Variants in ATP6V1E1 observed in about 807,000 individuals in gnomAD.
ATP6V1E1 encodes V-type proton ATPase subunit E 1.
Under a neutral mutation model 35.2 loss-of-function variants are expected in ATP6V1E1, and 21 were observed. That is an observed-to-expected ratio of 0.60 (90% CI 0.42 to 0.86). ATP6V1E1 has a LOEUF of 0.86. Ranked by LOEUF, ATP6V1E1 falls within the 40% of genes least tolerant of loss-of-function variation. The probability of loss-of-function intolerance (pLI) is 0.00; values close to 1 mark genes in which losing one functional copy is unlikely to be tolerated. For synonymous variants in ATP6V1E1, 83 were observed against 87.8 expected (o/e 0.95, Z 0.30); for missense variants, 183 against 272.6 (o/e 0.67, Z 2.32).
rs564006042 is a variant in ATP6V1E1 at position 17,598,021 on chromosome 22, C to T, written c.530+173G>A. 2.8e-4 allele frequency: 166 copies of T among 599,284 alleles called. 2 individuals carry two copies. The Middle Eastern group carries it at 3.3e-3, about 12-fold the overall frequency. 37.1% of individuals were successfully genotyped at this position (599,284 alleles called of 1,614,324 possible). A position where few individuals can be genotyped will look rare whatever the true frequency, so the allele number is the denominator to read the frequency against. ...TATTTAGCCAGCCAACAAGGGAGAG[C>T]AAGAGAGCACTGCGAGAACAACAGG... On this transcript the variant is annotated intron_variant, in intron 7 of 8. Coordinates refer to ENST00000253413, the MANE Select transcript of ATP6V1E1 (RefSeq NM_001696.4).
At position 17,628,675 on chromosome 22, in the gene ATP6V1E1, T is replaced by C. The variant is rs199973791; in HGVS notation, c.-40A>G. 1.1e-5 allele frequency: 18 copies of C among 1,613,460 alleles called. No individual in the cohort carries two copies. In the East Asian group the frequency reaches 4.0e-4, roughly 36 times the overall value. ...TAGGCCGGTGAACAGTAGGCTCGAG[T>C]TTAGGTTTGAAAGGTGAGGTGAGAG... On this transcript the variant is annotated 5_prime_UTR_variant, in exon 1 of 9. Transcript: ENST00000253413.
chr22:17,598,375 C>T, intron 6 of ATP6V1E1, 87 bp from the exon 7 acceptor site: 2 of 1,040,216 alleles, frequency 1.9e-6, no homozygotes, highest in East Asian at 2.4e-5. Flanking sequence ...AGCAAGGATA[C>T]CTCCATTTAT....
At chr22:17,599,850 G>A (rs192012790) in intron 6 of ATP6V1E1, among the ~76,000 whole-genome samples, 177 bp downstream of exon 6, 19 of 150,636 alleles carry the variant, frequency 1.3e-4, no homozygotes, top group Non-Finnish European at 2.5e-4. Flanking sequence ...GCTTGAACCC[G>A]GCAGGCAGAG....
intron 2 of ATP6V1E1, among the ~76,000 whole-genome samples, chr22:17,618,638 G>A (rs1225842019): frequency 6.7e-6 from 1 of 148,736 alleles, no homozygotes; most frequent in Non-Finnish European, 1.5e-5. Flanking sequence ...GCCAAGATCT[G>A]GCCACTGCAC....
intron 2 of ATP6V1E1, among the ~76,000 whole-genome samples, chr22:17,613,760 G>A (rs1346057153): frequency 6.6e-6 from 1 of 152,024 alleles, no homozygotes; most frequent in East Asian, 1.9e-4. Context: ...GAGGTCAGGA[G>A]ATCGAGATCA....
At chr22:17,628,757 G>A (rs1001121948), upstream of ATP6V1E1, 4 of 1,344,390 alleles carry the variant, frequency 3.0e-6, no homozygotes, top group Non-Finnish European at 4.2e-6. Context: ...TATAACCGCG[G>A]GTTCCGGTTC....
chr22:17,597,507 T>C (rs1205030168), intron 7 of ATP6V1E1, among the ~76,000 whole-genome samples: 1 of 151,584 alleles, frequency 6.6e-6, no homozygotes, highest in African/African-American at 2.4e-5. Context: ...TACACAATTC[T>C]TGTTTTGATA....
chr22:17,592,946 C>T (rs1227522236), intron 8 of ATP6V1E1, among the ~76,000 whole-genome samples: 1 of 152,110 alleles, frequency 6.6e-6, no homozygotes, highest in Non-Finnish European at 1.5e-5. Flanking sequence ...TGCCACCATG[C>T]CTGGCTAATT....
chr22:17,628,382 C>T (rs1017743480), intron 1 of ATP6V1E1, among the ~76,000 whole-genome samples: 1 of 152,242 alleles, frequency 6.6e-6, no homozygotes, highest in Admixed American at 6.5e-5. Context: ...AAGAAGGCAG[C>T]GCGCAGGCAA....
intron 6 of ATP6V1E1, 62 bp downstream of exon 6, chr22:17,599,965 G>T: frequency 8.7e-7 from 1 of 1,153,494 alleles, no homozygotes; most frequent in Non-Finnish European, 1.2e-6. Context: ...AAGAAAGAGA[G>T]AGGGGAAGGA....
At chr22:17,598,480 C>A (rs574492960) in intron 6 of ATP6V1E1, among the ~76,000 whole-genome samples, 192 bp from the exon 7 acceptor site, 1 of 152,122 alleles carries the variant, frequency 6.6e-6, no homozygotes, top group Admixed American at 6.5e-5. Flanking sequence ...GGAAGAGATG[C>A]GAATGGTTTC....
Position 17,601,146 on chromosome 22 carries a change from C to G in ATP6V1E1, c.312G>C (p.Lys104Asn). Reference sequence around the variant, plus strand: ...GGTACCTGGTTGTATCTTTTACCACCTTGCTGAGTCTCTGTTTTGCTTCAT... The same window carrying G: ...GGTACCTGGTTGTATCTTTTACCACGTTGCTGAGTCTCTGTTTTGCTTCAT... ...LLNEAKQRLS[K>N]VVKDTTRYQV... The change falls in exon 5 of 9, where the codon AAG (lysine) becomes AAC (asparagine). Residue 104 changes from lysine (K) to asparagine (N), a missense_variant. Transcript: ENST00000253413. The G allele has an allele frequency of 6.2e-7, 1 of 1,613,728 alleles. No individual in the cohort carries two copies. Among genetic ancestry groups the G allele is most frequent in the South Asian group, 1.1e-5 (1 of 91,054 alleles).
intron 7 of ATP6V1E1, chr22:17,594,891 A>G: frequency 4.4e-6 from 1 of 228,080 alleles, no homozygotes; most frequent in Non-Finnish European, 8.5e-6. Context: ...TCATGTCTAC[A>G]GCACTTAAAA....
In ATP6V1E1 at chr22:17,594,569, G is replaced by C. The variant is rs77950405; in HGVS notation, c.578C>G (p.Ser193Cys). The C allele has an allele frequency of 8.3e-5, 132 of 1,595,964 alleles. No individual in the cohort carries two copies. In the East Asian group the frequency reaches 2.9e-3, roughly 35 times the overall value. Residue 193 changes from serine to cysteine, a missense_variant, in exon 8 of 9, where the codon TCC becomes TGC. Transcript: ENST00000253413. ...ATCCAGCCGGCTTTCCAGGGTGTTG[G>C]AAACCTTTATTTTACGATCTCCATT... ...IYNGDRKIKVSNTLESRLDLI... is the reference protein window; with the variant it reads ...IYNGDRKIKVCNTLESRLDLI...
chr22:17,606,224 T>C (rs905792906), intron 4 of ATP6V1E1, among the ~76,000 whole-genome samples: 1 of 152,208 alleles, frequency 6.6e-6, no homozygotes, highest in African/African-American at 2.4e-5. Context: ...GTTCTGTATT[T>C]TTCCCCTTCC....
chr22:17,592,577 T>G lies in ATP6V1E1; in HGVS notation c.*97A>C. Reference sequence around the variant, plus strand: ...TAAATACAGAGCAATACTGGGGCAGTGAAGAGGAAGCTACAGAGACATTCG... The same window carrying G: ...TAAATACAGAGCAATACTGGGGCAGGGAAGAGGAAGCTACAGAGACATTCG... On this transcript the variant is annotated 3_prime_UTR_variant, in exon 9 of 9. Transcript: ENST00000253413. The G allele has an allele frequency of 1.6e-6, 2 of 1,275,596 alleles. No individual in the cohort carries two copies. The highest frequency in any genetic ancestry group is 2.3e-6 in the Non-Finnish European group (2 of 875,992). The allele number at this position is 1,275,596 out of a possible 1,614,324, so 79.0% of individuals were successfully genotyped here. A position where few individuals can be genotyped will look rare whatever the true frequency, so the allele number is the denominator to read the frequency against.
chr22:17,598,348 A>T (rs2057743724), intron 6 of ATP6V1E1, 60 bp from the exon 7 acceptor site: 2 of 1,293,720 alleles, frequency 1.5e-6, no homozygotes, highest in Non-Finnish European at 2.2e-6. Context: ...GTATCCAAAA[A>T]CTCAACAGAC....
chr22:17,619,567 G>A (rs776252653), intron 1 of ATP6V1E1, 41 bp from the exon 2 acceptor site: 74 of 1,444,406 alleles, frequency 5.1e-5, no homozygotes, highest in Admixed American at 1.3e-4. Flanking sequence ...TCAAAAATAT[G>A]GAAATATCTT....
chr22:17,597,892 T>C (rs1434827937), intron 7 of ATP6V1E1: 2 of 330,534 alleles, frequency 6.1e-6, no homozygotes, highest in Admixed American at 8.9e-5. Flanking sequence ...TTGGTAAGGA[T>C]GGTCTCGATC....
Sources: allele counts gnomAD v4.1 joint callset (sites outside exome capture counted in the v4.1 genomes callset), GRCh38; gene constraint gnomAD v4.1.1; transcripts MANE v1.5; gene names NCBI Gene and HGNC (gene_info 2026-07-23, HGNC 2026-07-21).